Variants in ARB2A observed in about 807,000 individuals in gnomAD.
ARB2A encodes the protein ARB2 cotranscriptional regulator A.
chr5:93,821,859 G>A, the ARB2A span, among the ~76,000 whole-genome samples: 2 of 149,488 alleles, frequency 1.3e-5, no homozygotes, highest in Admixed American at 1.3e-4. Context: ...GCCACCATCC[G>A]TATGCTTCCA....
At chr5:93,775,431 G>A in the ARB2A span, among the ~76,000 whole-genome samples, 1 of 152,174 alleles carries the variant, frequency 6.6e-6, no homozygotes, top group African/African-American at 2.4e-5. Flanking sequence ...TGAGAACTGT[G>A]AAAGTCAAAA....
chr5:93,821,140 A>G, the ARB2A span, among the ~76,000 whole-genome samples: 1 of 152,208 alleles, frequency 6.6e-6, no homozygotes, highest in Non-Finnish European at 1.5e-5. Context: ...AGCATAAGTA[A>G]TTGCATTTAC....
At chr5:93,912,349 G>C in the ARB2A span, among the ~76,000 whole-genome samples, 1 of 151,792 alleles carries the variant, frequency 6.6e-6, no homozygotes, top group East Asian at 1.9e-4. Flanking sequence ...TGTATTTCTA[G>C]GCTATGTCAT....
At chr5:93,765,337 T>A in the ARB2A span, among the ~76,000 whole-genome samples, 5 of 152,322 alleles carry the variant, frequency 3.3e-5, no homozygotes, top group African/African-American at 7.2e-5. Flanking sequence ...GATAGGCAAC[T>A]TCAGCAAAGT....
the ARB2A span, among the ~76,000 whole-genome samples, chr5:93,793,571 A>G: frequency 6.6e-6 from 1 of 152,162 alleles, no homozygotes; most frequent in African/African-American, 2.4e-5. Flanking sequence ...GGCAAATAAC[A>G]GGTGCTCAAA....
the ARB2A span, among the ~76,000 whole-genome samples, chr5:93,699,671 G>A: frequency 1.3e-5 from 2 of 152,032 alleles, no homozygotes; most frequent in Non-Finnish European, 2.9e-5. Context: ...CTTGTGCTCA[G>A]ACACTACCTT....
At chr5:93,811,577 CTATT>C in the ARB2A span, among the ~76,000 whole-genome samples, 3 of 152,006 alleles carry the variant, frequency 2.0e-5, no homozygotes, top group African/African-American at 4.8e-5. Context: ...GTACAATACA[CTATT>C]TATTTATTTT....
At chr5:93,974,005 C>T in the ARB2A span, among the ~76,000 whole-genome samples, 1 of 152,186 alleles carries the variant, frequency 6.6e-6, no homozygotes, top group South Asian at 2.1e-4. Context: ...GACTACCATG[C>T]AACTAGCTAA....
chr5:93,835,325 G>A, the ARB2A span, among the ~76,000 whole-genome samples: 1 of 152,146 alleles, frequency 6.6e-6, no homozygotes, highest in Non-Finnish European at 1.5e-5. Context: ...AGGTTAATTA[G>A]CTCCTGTAAT....
the ARB2A span, among the ~76,000 whole-genome samples, chr5:94,035,654 C>G: frequency 6.6e-6 from 1 of 152,044 alleles, no homozygotes; most frequent in Non-Finnish European, 1.5e-5. Context: ...ACATATACAC[C>G]ATGGAATACT....
At chr5:93,823,123 C>T in the ARB2A span, among the ~76,000 whole-genome samples, 1 of 152,150 alleles carries the variant, frequency 6.6e-6, no homozygotes, top group Non-Finnish European at 1.5e-5. Flanking sequence ...TGATCAACTG[C>T]ACTTTTATCA....
chr5:93,735,741 C>T, the ARB2A span: 1 of 152,102 alleles, frequency 6.6e-6, no homozygotes, highest in Non-Finnish European at 1.5e-5. Flanking sequence ...TTTTCACTAA[C>T]TTATGTGGAT....
At chr5:93,678,113 G>T in the ARB2A span, among the ~76,000 whole-genome samples, 1 of 152,202 alleles carries the variant, frequency 6.6e-6, no homozygotes, top group East Asian at 1.9e-4. Context: ...GAAATTCACT[G>T]ATAAGGGATG....
At chr5:93,874,274 T>C in the ARB2A span, among the ~76,000 whole-genome samples, 1 of 152,162 alleles carries the variant, frequency 6.6e-6, no homozygotes, top group Non-Finnish European at 1.5e-5. Context: ...TTGTTATTCA[T>C]AACAATCCCC....
chr5:93,639,026 A>T, the ARB2A span, among the ~76,000 whole-genome samples: 3 of 152,246 alleles, frequency 2.0e-5, no homozygotes, highest in African/African-American at 7.2e-5. Flanking sequence ...AGAAAACTTT[A>T]AACTATAAAC....
the ARB2A span, among the ~76,000 whole-genome samples, chr5:93,985,644 C>T: frequency 6.6e-6 from 1 of 152,324 alleles, no homozygotes; most frequent in African/African-American, 2.4e-5. Context: ...GGGCTGGTCT[C>T]CTGCTCCTGA....
the ARB2A span, among the ~76,000 whole-genome samples, chr5:93,642,599 C>T: frequency 2.6e-5 from 4 of 152,164 alleles, no homozygotes; most frequent in East Asian, 1.9e-4. Flanking sequence ...ATCTTGAACT[C>T]CTGGCCTCAA....
At chr5:93,972,147 C>A in the ARB2A span, among the ~76,000 whole-genome samples, 1 of 152,132 alleles carries the variant, frequency 6.6e-6, no homozygotes, top group Non-Finnish European at 1.5e-5. Context: ...TGAAGGTGAA[C>A]ACTGGCTGGG....
At chr5:93,772,016 C>T in the ARB2A span, among the ~76,000 whole-genome samples, 2 of 152,126 alleles carry the variant, frequency 1.3e-5, no homozygotes, top group Admixed American at 6.6e-5. Context: ...CGTATGTTTA[C>T]TGTGGCACTA....
Sources: gnomAD v4.1 joint callset for allele counts (sites outside exome capture counted in the v4.1 genomes callset) on GRCh38, gnomAD v4.1.1 for gene constraint, MANE v1.5 for transcripts, NCBI Gene and HGNC (gene_info 2026-07-23, HGNC 2026-07-21) for gene names.